The following ZNF618 variants were observed in gnomAD, a reference collection of about 807,000 sequenced individuals.
The protein encoded by ZNF618 is zinc finger protein 618.
ZNF618 carries 34 observed loss-of-function variants against 103.0 expected under a neutral mutation model. That is an observed-to-expected ratio of 0.33 (90% CI 0.25 to 0.44). The LOEUF (loss-of-function observed/expected upper bound fraction) is 0.44. Ranked by LOEUF, ZNF618 falls within the 20% of genes least tolerant of loss-of-function variation. The probability of loss-of-function intolerance (pLI) is 1.00; values close to 1 mark genes in which losing one functional copy is unlikely to be tolerated. For synonymous variants in ZNF618, 551 were observed against 542.2 expected (o/e 1.02, Z -0.23); for missense variants, 1,059 against 1,295.4 (o/e 0.82, Z 2.80).
At chr9:114,032,784 C>G (rs912532935) in intron 12 of ZNF618, 56 bp downstream of exon 12, 1 of 1,510,832 alleles carries the variant, frequency 6.6e-7, no homozygotes, top group African/African-American at 1.4e-5. Flanking sequence ...TCGCCCGCTC[C>G]CCCCTGGCAG....
intron 1 of ZNF618, among the ~76,000 whole-genome samples, chr9:113,956,429 A>G (rs957906148): frequency 2.0e-5 from 3 of 152,152 alleles, no homozygotes; most frequent in Admixed American, 2.0e-4. Context: ...TTCTTAAACT[A>G]GATGAAATGA....
At chr9:114,046,599 A>G (rs58238706) in intron 13 of ZNF618, among the ~76,000 whole-genome samples, 1,958 of 152,310 alleles carry the variant, frequency 0.013, 35 homozygotes, top group East Asian at 0.049. Flanking sequence ...GAGAGTGAAC[A>G]TTCTTACCTT....
At chr9:113,922,478 T>TG (rs1491555867) in intron 1 of ZNF618, among the ~76,000 whole-genome samples, 2 of 28,738 alleles carry the variant, frequency 7.0e-5, no homozygotes, top group Non-Finnish European at 2.0e-4. Context: ...TTTTGGTTTG[T>TG]TTTTTTTTTT....
intron 1 of ZNF618, among the ~76,000 whole-genome samples, chr9:113,901,422 C>T (rs1340884621): frequency 6.6e-6 from 1 of 152,244 alleles, no homozygotes; most frequent in Non-Finnish European, 1.5e-5. Context: ...ACTGCTCTTG[C>T]GGCTGAGCTA....
chr9:114,004,394 T>G (rs1170049919), intron 6 of ZNF618, among the ~76,000 whole-genome samples: 1 of 152,202 alleles, frequency 6.6e-6, no homozygotes, highest in African/African-American at 2.4e-5. Context: ...AGTTCCATTC[T>G]TTTCCGGCTC....
chr9:114,012,471 T>G (rs915430595), intron 9 of ZNF618, among the ~76,000 whole-genome samples: 1 of 152,166 alleles, frequency 6.6e-6, no homozygotes, highest in African/African-American at 2.4e-5. Flanking sequence ...AGGCCCCATC[T>G]CCACATGCTA....
rs529065207 is a variant in ZNF618, at chr9:113,913,838, G to C, written c.33+37425G>C. On this transcript the variant is annotated intron_variant, in intron 1 of 14. Coordinates refer to ENST00000374126, the MANE Select transcript of ZNF618 (RefSeq NM_001318042.2). ...CCTTTCTCTCCTAATCTTAGAAGTTGAGGCTTGTTGCCCTTACTTCTGAAA... is the reference window on the plus strand; with the variant it reads ...CCTTTCTCTCCTAATCTTAGAAGTTCAGGCTTGTTGCCCTTACTTCTGAAA... Among the ~76,000 whole-genome samples, 682 of 152,286 alleles carry C rather than the reference G, an allele frequency of 4.5e-3. 5 individuals are homozygous for C. Among genetic ancestry groups the C allele is most frequent in the Middle Eastern group, 0.01 (3 of 294 alleles).
At chr9:114,016,876 A>G (rs1276479280) in intron 10 of ZNF618, 92 bp downstream of exon 10, 6 of 987,678 alleles carry the variant, frequency 6.1e-6, no homozygotes, top group Non-Finnish European at 9.2e-6. Flanking sequence ...TGGCCAGGAA[A>G]TGGTGAAAGC....
At chr9:113,930,862 C>T (rs571699141) in intron 1 of ZNF618, among the ~76,000 whole-genome samples, 1 of 152,266 alleles carries the variant, frequency 6.6e-6, no homozygotes, top group African/African-American at 2.4e-5. Flanking sequence ...CAGTTTTTCA[C>T]ATAAAACTAT....
chr9:114,001,566 G>A (rs1841209820), intron 4 of ZNF618, among the ~76,000 whole-genome samples: 1 of 152,226 alleles, frequency 6.6e-6, no homozygotes, highest in Non-Finnish European at 1.5e-5. Context: ...CAGTCTGTCT[G>A]TCTTAATCTC....
At chr9:113,989,769 G>A (rs1251308794) in intron 3 of ZNF618, among the ~76,000 whole-genome samples, 1 of 152,216 alleles carries the variant, frequency 6.6e-6, no homozygotes, top group Non-Finnish European at 1.5e-5. Flanking sequence ...CAGTTGTTGA[G>A]AATCATCCTT....
intron 1 of ZNF618, among the ~76,000 whole-genome samples, chr9:113,952,730 T>TGACAGTAGTATGTTCTACG (rs1195120431): frequency 2.0e-5 from 3 of 152,224 alleles, no homozygotes; most frequent in Non-Finnish European, 2.9e-5. Context: ...CTCAGGAAAG[T>TGACAGTAGTATGTTCTACG]GACAGTAGTA....
intron 4 of ZNF618, 126 bp downstream of exon 4, chr9:113,998,480 C>A: frequency 2.5e-6 from 2 of 786,870 alleles, no homozygotes; most frequent in South Asian, 1.7e-5. Flanking sequence ...TCAAGAGGGG[C>A]CACCTTCTTC....
chr9:114,012,338 T>A (rs956232139), intron 9 of ZNF618, among the ~76,000 whole-genome samples: 1 of 149,040 alleles, frequency 6.7e-6, no homozygotes, highest in Non-Finnish European at 1.5e-5. Context: ...GGTCACCATA[T>A]GTCTGGACAT....
chr9:113,918,372 C>T (rs1017010835), intron 1 of ZNF618, among the ~76,000 whole-genome samples: 2 of 152,184 alleles, frequency 1.3e-5, no homozygotes, highest in South Asian at 4.2e-4. Flanking sequence ...TTTTGTGTGG[C>T]GATATTTTGA....
At chr9:114,048,079 CT>C in intron 14 of ZNF618, 85 bp downstream of exon 14, 1 of 1,195,544 alleles carries the variant, frequency 8.4e-7, no homozygotes, top group Non-Finnish European at 1.2e-6. Context: ...ACCATTTGTG[CT>C]TCCTGTGATG....
At position 114,037,461 on chromosome 9, in the gene ZNF618, C is replaced by T. The variant is rs7029461; in HGVS notation, c.1246+1084C>T. Among the ~76,000 whole-genome samples, 819 of 152,244 alleles carry T rather than the reference C, an allele frequency of 5.4e-3. 5 individuals carry two copies. The highest frequency in any genetic ancestry group is 0.018 in the African/African-American group (749 of 41,536). On this transcript the variant is annotated intron_variant, in intron 13 of 14. Transcript: ENST00000374126. Reference sequence around the variant, plus strand: ...GGAAGCGTGTCCAGAGCCACTGTCCCGGGACAGTTGGCCACTCTGCAAAGG... The same window carrying T: ...GGAAGCGTGTCCAGAGCCACTGTCCTGGGACAGTTGGCCACTCTGCAAAGG...
chr9:113,895,282 G>A (rs1193183151), intron 1 of ZNF618, among the ~76,000 whole-genome samples: 1 of 152,092 alleles, frequency 6.6e-6, no homozygotes, highest in Non-Finnish European at 1.5e-5. Context: ...GTAAAAGGAT[G>A]ATGAATTTTT....
chr9:113,895,992 A>G (rs1258305851), intron 1 of ZNF618, among the ~76,000 whole-genome samples: 1 of 152,114 alleles, frequency 6.6e-6, no homozygotes, highest in Non-Finnish European at 1.5e-5. Flanking sequence ...ACAGAATATA[A>G]TGTTATTTTA....
Sources: allele counts gnomAD v4.1 joint callset (sites outside exome capture counted in the v4.1 genomes callset), GRCh38; gene constraint gnomAD v4.1.1; transcripts MANE v1.5; gene names NCBI Gene and HGNC (gene_info 2026-07-23, HGNC 2026-07-21).